The following BTBD7 variants were observed in gnomAD, a reference collection of about 807,000 sequenced individuals.
BTBD7 encodes the protein BTB/POZ domain-containing protein 7.
In BTBD7, 38 loss-of-function variants were observed where a neutral mutation model predicts 99.9. The observed-to-expected ratio is 0.38, with a 90% confidence interval of 0.29 to 0.50. The LOEUF is 0.50. Ranked by LOEUF, BTBD7 falls within the 20% of genes least tolerant of loss-of-function variation. The pLI is 0.93. For missense variants in BTBD7, 1,170 were observed against 1,394.6 expected (o/e 0.84, Z 2.57); for synonymous variants, 520 against 511.4 (o/e 1.02, Z -0.23).
At position 93,323,064 on chromosome 14, in the gene BTBD7, G is replaced by A. The variant is rs376633161; in HGVS notation, c.-107+9756C>T. On this transcript the variant is annotated intron_variant, in intron 1 of 10. Transcript: ENST00000334746. Reference sequence around the variant, plus strand: ...CTTGAGCCTATGAGTTTGAGGCTGCGGTGAGCTATGATAGGGCCACTGCAC... The same window carrying A: ...CTTGAGCCTATGAGTTTGAGGCTGCAGTGAGCTATGATAGGGCCACTGCAC... Among the ~76,000 whole-genome samples the A allele has an allele frequency of 5.9e-5, 9 of 152,188 alleles. No homozygotes were observed. The East Asian group carries it at 7.7e-4, about 13-fold the overall frequency.
chr14:93,324,811 G>T (rs1009294679), intron 1 of BTBD7, among the ~76,000 whole-genome samples: 1 of 152,196 alleles, frequency 6.6e-6, no homozygotes, highest in Non-Finnish European at 1.5e-5. Context: ...ACTACTGGAG[G>T]TGGTGACAAA....
intron 1 of BTBD7, among the ~76,000 whole-genome samples, chr14:93,322,837 G>C (rs1417546579): frequency 6.6e-6 from 1 of 152,170 alleles, no homozygotes; most frequent in Non-Finnish European, 1.5e-5. Flanking sequence ...TACAAGGCTG[G>C]GTGATGTGGC....
chr14:93,309,965 G>GT (rs5810627), intron 1 of BTBD7, among the ~76,000 whole-genome samples: 59,074 of 151,246 alleles, frequency 0.39, 12,714 homozygotes, highest in African/African-American at 0.59. Context: ...ATTGGCAGGT[G>GT]TTTTTTTTTC....
In BTBD7 at chr14:93,240,568, A is replaced by G. The variant is rs1023415603; in HGVS notation, c.*1705T>C. 6.6e-6 allele frequency: 1 copy of G among 152,648 alleles called. No homozygotes were observed. Among genetic ancestry groups the G allele is most frequent in the Non-Finnish European group, 1.5e-5 (1 of 68,042 alleles). The allele number at this position is 152,648 out of a possible 1,614,324, so 9.5% of individuals were successfully genotyped here. A position where few individuals can be genotyped will look rare whatever the true frequency, so the allele number is the denominator to read the frequency against. ...TTTTTATATATATACATACATAGAA[A>G]AGAGGATCCCAAATATCCTGCAGAG... On this transcript the variant is annotated 3_prime_UTR_variant, in exon 11 of 11. Coordinates refer to ENST00000334746, the MANE Select transcript of BTBD7 (RefSeq NM_001002860.4).
At chr14:93,288,280 T>G in intron 3 of BTBD7, 1 of 527,040 alleles carries the variant, frequency 1.9e-6, no homozygotes, top group South Asian at 3.1e-5. Context: ...AGCCACTATT[T>G]GTTAGATGTT....
In BTBD7 at chr14:93,281,239, C is replaced by T. The variant is rs1283934218; in HGVS notation, c.1162+12619G>A. ...CTGATCTCAAACTCCTGGACTCAAGCGATCTGCCTGCCTTGGCCTCCCAAA... is the reference window on the plus strand; with the variant it reads ...CTGATCTCAAACTCCTGGACTCAAGTGATCTGCCTGCCTTGGCCTCCCAAA... On this transcript the variant is annotated intron_variant, in intron 3 of 10. Transcript: ENST00000334746. Among the ~76,000 whole-genome samples, 5 of 151,244 alleles carry T rather than the reference C, an allele frequency of 3.3e-5. No homozygotes were observed. The South Asian group carries it at 1.0e-3, about 32-fold the overall frequency.
chr14:93,314,934 C>G (rs1436532489), intron 1 of BTBD7, among the ~76,000 whole-genome samples: 1 of 152,028 alleles, frequency 6.6e-6, no homozygotes, highest in Non-Finnish European at 1.5e-5. Context: ...GTTCTTTTTA[C>G]AAATTTGCAA....
At position 93,245,873 on chromosome 14, in the gene BTBD7, G is replaced by C; in HGVS notation, c.2535C>G (p.Thr845=). The C allele has an allele frequency of 6.2e-7, 1 of 1,613,596 alleles. No individual in the cohort carries two copies. Among genetic ancestry groups the C allele is most frequent in the Non-Finnish European group, 8.5e-7 (1 of 1,179,814 alleles). The stretch of plus-strand genomic sequence containing the variant: ...CTGCTGCTGCTGTTGCTGTTGAGGT[G>C]GTGGTGGCGGCAGCAGCAGCCACCG... ...RQTVAAAAAT[T]TSTATAAAAA... Residue 845 remains threonine (T), a synonymous_variant, in exon 10 of 11, where the codon ACC becomes ACG. Transcript: ENST00000334746.
chr14:93,332,558 G>A (rs2053454345), intron 1 of BTBD7, among the ~76,000 whole-genome samples: 1 of 150,858 alleles, frequency 6.6e-6, no homozygotes, highest in South Asian at 2.1e-4. Flanking sequence ...GCCACACCTC[G>A]CGCCCCTGCC....
At chr14:93,261,479 A>T in intron 5 of BTBD7, 123 bp downstream of exon 5, 1 of 785,826 alleles carries the variant, frequency 1.3e-6, no homozygotes, top group Non-Finnish European at 2.2e-6. Context: ...CTGGTGGTAA[A>T]AACTTCCATT....
intron 3 of BTBD7, among the ~76,000 whole-genome samples, chr14:93,282,260 A>G (rs2139742539): frequency 6.6e-6 from 1 of 152,288 alleles, no homozygotes; most frequent in South Asian, 2.1e-4. Context: ...TTCTACAACT[A>G]AAAGTAAACA....
At position 93,307,960 on chromosome 14, in the gene BTBD7, T is replaced by C. The variant is rs1358260697; in HGVS notation, c.-106-11803A>G. Reference sequence around the variant, plus strand: ...TGAGTCCAAAAACTATTTCTTGGGATCCATATTCCTTCACAGTCTAAGCCT... The same window carrying C: ...TGAGTCCAAAAACTATTTCTTGGGACCCATATTCCTTCACAGTCTAAGCCT... On this transcript the variant is annotated intron_variant, in intron 1 of 10. Coordinates refer to ENST00000334746, the MANE Select transcript of BTBD7 (RefSeq NM_001002860.4). 2.6e-5 allele frequency among the ~76,000 whole-genome samples: 4 copies of C among 152,166 alleles called. No individual in the cohort carries two copies. The South Asian group carries it at 6.2e-4, about 24-fold the overall frequency.
intron 1 of BTBD7, among the ~76,000 whole-genome samples, chr14:93,308,953 T>C (rs2053105498): frequency 6.6e-6 from 1 of 152,332 alleles, no homozygotes; most frequent in Middle Eastern, 3.4e-3. Flanking sequence ...TGCAGAACTA[T>C]ATATACACTT....
At chr14:93,293,071 T>C (rs1403282989) in intron 3 of BTBD7, among the ~76,000 whole-genome samples, 1 of 152,192 alleles carries the variant, frequency 6.6e-6, no homozygotes, top group Non-Finnish European at 1.5e-5. Flanking sequence ...TAATATATGG[T>C]CACAGAAAGC....
intron 3 of BTBD7, among the ~76,000 whole-genome samples, chr14:93,289,318 G>A (rs1264085693): frequency 3.3e-5 from 5 of 152,222 alleles, no homozygotes; most frequent in African/African-American, 7.2e-5. Flanking sequence ...GAATTCCAGG[G>A]TTGGGGAAAG....
intron 1 of BTBD7, among the ~76,000 whole-genome samples, chr14:93,321,380 G>T (rs1176780106): frequency 6.6e-6 from 1 of 152,156 alleles, no homozygotes; most frequent in East Asian, 1.9e-4. Flanking sequence ...ATCGCTTGAG[G>T]TCAGGAGTTC....
chr14:93,261,587 ATTT>A lies in BTBD7; in HGVS notation c.1447+12_1447+14del. ...TACACAAGGTAACTAGTGCAAGCTA[ATTT>A]TCGGAGCTTACCTCTATCTGCTATT... On this transcript the variant is annotated intron_variant, in intron 5 of 10. Transcript: ENST00000334746. 6.2e-7 allele frequency: 1 copy of A among 1,602,038 alleles called. No individual in the cohort carries two copies. The highest frequency in any genetic ancestry group is 1.1e-5 in the South Asian group (1 of 90,384).
At chr14:93,293,778 A>G (rs1438032054) in intron 3 of BTBD7, 80 bp downstream of exon 3, 1 of 1,500,526 alleles carries the variant, frequency 6.7e-7, no homozygotes, top group Non-Finnish European at 8.9e-7. Context: ...CTGAAATCAT[A>G]GAATATACTG....
At chr14:93,263,509 T>C (rs1208966477) in intron 4 of BTBD7, among the ~76,000 whole-genome samples, 1 of 152,230 alleles carries the variant, frequency 6.6e-6, no homozygotes, top group African/African-American at 2.4e-5. Context: ...CATGTTGGGA[T>C]GTGCTTCTGA....
Sources: gnomAD v4.1 joint callset for allele counts (sites outside exome capture counted in the v4.1 genomes callset) on GRCh38, gnomAD v4.1.1 for gene constraint, MANE v1.5 for transcripts, NCBI Gene and HGNC (gene_info 2026-07-23, HGNC 2026-07-21) for gene names.